The following NFILZ variants were observed in gnomAD, a reference collection of about 807,000 sequenced individuals.
The protein encoded by NFILZ is NFIL3 like basic leucine zipper.
intron 3 of NFILZ, among the ~76,000 whole-genome samples, chr19:8,637,235 C>A (rs1195164497): frequency 6.6e-6 from 1 of 152,016 alleles, no homozygotes; most frequent in African/African-American, 2.4e-5. Context: ...AATCTCAGCT[C>A]TCAGAAGGCT....
Position 8,675,778 on chromosome 19 carries a change from T to G in NFILZ, c.-113-581T>G, listed in dbSNP as rs2043107707. ...AGACCATGCCTCTAAAAAAATTGCTTTTTTGTTGGTTGGATGAATGGATGG... is the reference window on the plus strand; with the variant it reads ...AGACCATGCCTCTAAAAAAATTGCTGTTTTGTTGGTTGGATGAATGGATGG... On this transcript the variant is annotated intron_variant, in intron 4 of 5. Transcript: ENST00000691075. Among the ~76,000 whole-genome samples, 4 of 151,994 alleles carry G rather than the reference T, an allele frequency of 2.6e-5. No individual in the cohort carries two copies. The South Asian group carries it at 8.3e-4, about 32-fold the overall frequency.
intron 3 of NFILZ, among the ~76,000 whole-genome samples, chr19:8,662,191 C>T (rs570945000): frequency 4.9e-4 from 70 of 143,786 alleles, no homozygotes; most frequent in African/African-American, 1.7e-3. Context: ...GGTGACAGAG[C>T]AAGACTCTGT....
chr19:8,663,021 G>A (rs2043039130), intron 3 of NFILZ, among the ~76,000 whole-genome samples: 2 of 148,446 alleles, frequency 1.3e-5, no homozygotes, highest in South Asian at 4.3e-4. Flanking sequence ...GATTATAGCA[G>A]ACTGCAACCT....
At chr19:8,646,539 G>A (rs376148153) in intron 3 of NFILZ, among the ~76,000 whole-genome samples, 1 of 152,116 alleles carries the variant, frequency 6.6e-6, no homozygotes, top group South Asian at 2.1e-4. Flanking sequence ...GCCAGAGGCT[G>A]CATAACTGGA....
chr19:8,664,551 G>T (rs2043053132), intron 3 of NFILZ, among the ~76,000 whole-genome samples: 1 of 152,198 alleles, frequency 6.6e-6, no homozygotes, highest in African/African-American at 2.4e-5. Flanking sequence ...AGTTCCCACA[G>T]AAGCGTCTCG....
chr19:8,661,612 C>G (rs2043032217), intron 3 of NFILZ, among the ~76,000 whole-genome samples: 1 of 152,102 alleles, frequency 6.6e-6, no homozygotes, highest in Non-Finnish European at 1.5e-5. Context: ...AATAAGAAAC[C>G]AGGGCACAGT....
At chr19:8,647,795 G>GCACACACACACACA (rs879996864) in intron 3 of NFILZ, among the ~76,000 whole-genome samples, 2 of 76,302 alleles carry the variant, frequency 2.6e-5, no homozygotes, top group East Asian at 8.9e-4. Context: ...GCGCGCGCGC[G>GCACACACACACACA]CACACACACA....
chr19:8,640,336 T>A lies in NFILZ; in HGVS notation c.-164+4590T>A, dbSNP rs1403217682. On this transcript the variant is annotated intron_variant, in intron 3 of 5. Transcript: ENST00000691075. The stretch of plus-strand genomic sequence containing the variant: ...CTGTAGTTTTTTTTTTTTTTTTTTT[T>A]ACCATTGCTTGAGCTTCTGCATAAG... Among the ~76,000 whole-genome samples the A allele has an allele frequency of 6.0e-5, 8 of 133,156 alleles. No individual in the cohort carries two copies. The South Asian group carries it at 1.5e-3, about 25-fold the overall frequency. The allele number at this position is 133,156 out of a possible 152,430, so 87.4% of individuals were successfully genotyped here.
chr19:8,672,569 C>T (rs1374336888), intron 3 of NFILZ, among the ~76,000 whole-genome samples: 1 of 145,638 alleles, frequency 6.9e-6, no homozygotes, highest in Non-Finnish European at 1.5e-5. Context: ...TTAGTTCATT[C>T]CAAAAAATAT....
chr19:8,642,649 G>A (rs1230705400), intron 3 of NFILZ, among the ~76,000 whole-genome samples: 7 of 152,056 alleles, frequency 4.6e-5, no homozygotes, highest in East Asian at 1.9e-4. Context: ...TGGCCTCTCC[G>A]GTGGGCTTGC....
chr19:8,646,821 A>G (rs782227639), intron 3 of NFILZ, among the ~76,000 whole-genome samples: 17 of 151,954 alleles, frequency 1.1e-4, no homozygotes, highest in Non-Finnish European at 1.8e-4. Flanking sequence ...CTCCTCCTAA[A>G]CCAAGAGCAA....
At chr19:8,657,160 T>G (rs1459981752) in intron 3 of NFILZ, among the ~76,000 whole-genome samples, 1 of 151,914 alleles carries the variant, frequency 6.6e-6, no homozygotes, top group African/African-American at 2.4e-5. Flanking sequence ...TGCTTTTTTT[T>G]TTTGAGACGG....
At chr19:8,665,264 G>T (rs192179041) in intron 3 of NFILZ, among the ~76,000 whole-genome samples, 1 of 152,080 alleles carries the variant, frequency 6.6e-6, no homozygotes, top group African/African-American at 2.4e-5. Flanking sequence ...ATATGATTTG[G>T]CTTAGGGAAG....
At chr19:8,666,272 T>C (rs1364391605) in intron 3 of NFILZ, among the ~76,000 whole-genome samples, 1 of 151,968 alleles carries the variant, frequency 6.6e-6, no homozygotes, top group Non-Finnish European at 1.5e-5. Context: ...CAGGTGGGAG[T>C]GCAGTGGTGC....
intron 3 of NFILZ, among the ~76,000 whole-genome samples, chr19:8,669,502 T>TC (rs2043077579): frequency 1.3e-5 from 2 of 152,164 alleles, no homozygotes; most frequent in Admixed American, 1.3e-4. Flanking sequence ...TTTCATTGCA[T>TC]CCTGACAGCA....
At chr19:8,647,670 C>T (rs1481342699) in intron 3 of NFILZ, among the ~76,000 whole-genome samples, 1 of 150,442 alleles carries the variant, frequency 6.6e-6, no homozygotes, top group Non-Finnish European at 1.5e-5. Flanking sequence ...AAACCAGGAA[C>T]AGAAAACCAA....
chr19:8,678,055 C>CCAT lies in NFILZ; in HGVS notation c.*421_*422insATC, dbSNP rs1600158052. Among the ~76,000 whole-genome samples, 4,736 of 41,860 alleles carry CCAT rather than the reference C, an allele frequency of 0.11. 229 individuals carry two copies. The highest frequency in any genetic ancestry group is 0.17 in the Admixed American group (684 of 3,924). The allele number at this position is 41,860 out of a possible 152,430, so 27.5% of individuals were successfully genotyped here. A position where few individuals can be genotyped will look rare whatever the true frequency, so the allele number is the denominator to read the frequency against. On this transcript the variant is annotated 3_prime_UTR_variant, in exon 6 of 6. Transcript: ENST00000691075. Reference sequence around the variant, plus strand: ...ATCCATCCATCCATCCATCCATCCACCCATCTATTCATCCATCCATCAATC... The same window carrying CCAT: ...ATCCATCCATCCATCCATCCATCCACCATCCATCTATTCATCCATCCATCAATC...
intron 3 of NFILZ, among the ~76,000 whole-genome samples, chr19:8,647,791 GCGCGCA>G (rs1333331677): frequency 0.037 from 2,584 of 69,810 alleles, 39 homozygotes; most frequent in East Asian, 0.11. Flanking sequence ...GCGCGCGCGC[GCGCGCA>G]CACACACACA....
intron 3 of NFILZ, among the ~76,000 whole-genome samples, chr19:8,657,555 A>G (rs1373612732): frequency 2.0e-5 from 3 of 151,642 alleles, no homozygotes; most frequent in Non-Finnish European, 4.4e-5. Flanking sequence ...AGGGACACAG[A>G]CCTCCAGCTG....
Sources: gnomAD v4.1 joint callset for allele counts (sites outside exome capture counted in the v4.1 genomes callset) on GRCh38, gnomAD v4.1.1 for gene constraint, MANE v1.5 for transcripts, NCBI Gene and HGNC (gene_info 2026-07-23, HGNC 2026-07-21) for gene names.